The following PPIL6 variants were observed in gnomAD, a reference collection of about 807,000 sequenced individuals.
PPIL6 encodes the protein peptidylprolyl isomerase like 6.
A neutral mutation model predicts 36.8 loss-of-function variants in PPIL6; 39 were observed. The observed-to-expected ratio is 1.06, with a 90% CI of 0.82 to 1.38. The LOEUF (loss-of-function observed/expected upper bound fraction) is 1.38. Ranked by LOEUF, PPIL6 falls within the 40% of genes most tolerant of loss-of-function variation. The pLI is 0.00. For synonymous variants in PPIL6, 123 were observed against 134.1 expected (o/e 0.92, Z 0.57); for missense variants, 368 against 379.1 (o/e 0.97, Z 0.24).
chr6:109,425,888 T>A (rs1052862947), intron 5 of PPIL6, among the ~76,000 whole-genome samples: 1 of 151,830 alleles, frequency 6.6e-6, no homozygotes, highest in African/African-American at 2.4e-5. Context: ...TAGAAAACCA[T>A]CTAAATGTTC....
At chr6:109,422,511 G>A (rs542065529) in intron 5 of PPIL6, among the ~76,000 whole-genome samples, 2 of 152,256 alleles carry the variant, frequency 1.3e-5, no homozygotes, top group Admixed American at 1.3e-4. Flanking sequence ...GATCACTTGA[G>A]TCCAGGAGGT....
At chr6:109,419,046 C>G (rs912047269) in intron 6 of PPIL6, 141 bp downstream of exon 6, 2 of 609,390 alleles carry the variant, frequency 3.3e-6, no homozygotes, top group Middle Eastern at 4.0e-4. Context: ...GCGCTTCCCC[C>G]CGATCTGCTC....
At chr6:109,434,689 A>G (rs1392324148) in intron 2 of PPIL6, among the ~76,000 whole-genome samples, 3 of 152,130 alleles carry the variant, frequency 2.0e-5, no homozygotes, top group Admixed American at 1.3e-4. Context: ...GCACAGAACA[A>G]TCGAAACTGC....
intron 7 of PPIL6, 89 bp downstream of exon 7, chr6:109,399,946 A>C: frequency 1.9e-6 from 2 of 1,045,086 alleles, no homozygotes; most frequent in Non-Finnish European, 2.7e-6. Flanking sequence ...TTAGCTACCT[A>C]TACACTATAT....
intron 6 of PPIL6, among the ~76,000 whole-genome samples, chr6:109,400,898 C>T (rs1348956003): frequency 3.3e-5 from 5 of 151,908 alleles, no homozygotes; most frequent in Admixed American, 6.6e-5. Flanking sequence ...CTCGCTCTGT[C>T]GCCCAGGCTG....
At chr6:109,422,823 A>C (rs1427835364) in intron 5 of PPIL6, among the ~76,000 whole-genome samples, 1 of 152,254 alleles carries the variant, frequency 6.6e-6, no homozygotes, top group African/African-American at 2.4e-5. Context: ...GAAGCATATT[A>C]ATTATTTGGT....
chr6:109,436,623 A>G (rs1774461651), intron 1 of PPIL6, among the ~76,000 whole-genome samples: 1 of 152,210 alleles, frequency 6.6e-6, no homozygotes, highest in African/African-American at 2.4e-5. Context: ...TGGGAGGCTG[A>G]GGCAAGAGAA....
At chr6:109,393,720 C>T (rs1772185630) in intron 7 of PPIL6, among the ~76,000 whole-genome samples, 1 of 152,060 alleles carries the variant, frequency 6.6e-6, no homozygotes, top group East Asian at 1.9e-4. Flanking sequence ...GCCAGACTGG[C>T]TTTCAGTACC....
At chr6:109,396,941 G>A (rs1772327855) in intron 7 of PPIL6, among the ~76,000 whole-genome samples, 2 of 151,612 alleles carry the variant, frequency 1.3e-5, no homozygotes, top group East Asian at 3.9e-4. Context: ...AACCATGTCT[G>A]GGCTTCCAAA....
At chr6:109,433,151 T>C (rs1774252677) in intron 2 of PPIL6, among the ~76,000 whole-genome samples, 1 of 151,776 alleles carries the variant, frequency 6.6e-6, no homozygotes, top group Non-Finnish European at 1.5e-5. Flanking sequence ...CTGCCTCCTA[T>C]GTTCAAGTGA....
At chr6:109,422,673 T>A (rs529202741) in intron 5 of PPIL6, among the ~76,000 whole-genome samples, 3 of 152,136 alleles carry the variant, frequency 2.0e-5, no homozygotes, top group Admixed American at 2.0e-4. Context: ...ATGGACCTTA[T>A]GAACATAAAA....
intron 6 of PPIL6, among the ~76,000 whole-genome samples, chr6:109,415,986 T>C (rs1430236656): frequency 6.6e-6 from 1 of 152,164 alleles, no homozygotes; most frequent in African/African-American, 2.4e-5. Context: ...GGAGAATGTA[T>C]TGATGTAACC....
rs185390692 is a variant in PPIL6, at chr6:109,439,539, T to C, written c.135+917A>G. Reference sequence around the variant, plus strand: ...CCCGGCTAATTTTTTGTATTTTTAGTAGAAACGGGGTTTCACCATGTTGGC... The same window carrying C: ...CCCGGCTAATTTTTTGTATTTTTAGCAGAAACGGGGTTTCACCATGTTGGC... On this transcript the variant is annotated intron_variant, in intron 1 of 7. Coordinates refer to ENST00000521072, the MANE Select transcript of PPIL6 (RefSeq NM_173672.5). Among the ~76,000 whole-genome samples, 206 of 152,300 alleles carry C rather than the reference T, an allele frequency of 1.4e-3. 3 individuals are homozygous for C. The highest frequency in any genetic ancestry group is 9.8e-3 in the East Asian group (51 of 5,184).
intron 7 of PPIL6, among the ~76,000 whole-genome samples, chr6:109,394,379 A>C (rs919769444): frequency 1.3e-5 from 2 of 151,730 alleles, no homozygotes; most frequent in Admixed American, 1.3e-4. Flanking sequence ...TCAAAAAAAA[A>C]AAAAAAAAAA....
At chr6:109,440,799 G>T (rs1308792048), upstream of PPIL6, 16 of 364,926 alleles carry the variant, frequency 4.4e-5, no homozygotes, top group Non-Finnish European at 6.6e-5. Context: ...TGGAGGAAAA[G>T]GAACCGGGAG....
Position 109,392,716 on chromosome 6 carries a change from G to A in PPIL6, c.*110C>T. On this transcript the variant is annotated 3_prime_UTR_variant, in exon 8 of 8. Transcript: ENST00000521072. ...GGGTGTAGATGAGGCAACCTACAGTGTCTGCCACGGCTTTCAAATTACAAT... is the reference window on the plus strand; with the variant it reads ...GGGTGTAGATGAGGCAACCTACAGTATCTGCCACGGCTTTCAAATTACAAT... 1 of 672,878 alleles carries A rather than the reference G, an allele frequency of 1.5e-6. No homozygotes were observed. The highest frequency in any genetic ancestry group is 2.5e-6 in the Non-Finnish European group (1 of 396,066). 41.7% of individuals were successfully genotyped at this position (672,878 alleles called of 1,614,324 possible).
At chr6:109,418,762 G>A (rs1051935851) in intron 6 of PPIL6, among the ~76,000 whole-genome samples, 5 of 151,972 alleles carry the variant, frequency 3.3e-5, no homozygotes, top group African/African-American at 1.2e-4. Context: ...GGCTGATCTC[G>A]AACTCCTGAC....
upstream of PPIL6, chr6:109,440,833 G>T: frequency 2.5e-6 from 1 of 397,200 alleles, no homozygotes; most frequent in Non-Finnish European, 4.4e-6. Flanking sequence ...GGCGCTCTCC[G>T]GACCCCCAGG....
In PPIL6 at chr6:109,391,591, C is replaced by T. The variant is rs2115187086; in HGVS notation, c.*1235G>A. 1 of 152,364 alleles carries T rather than the reference C, an allele frequency of 6.6e-6. No homozygotes were observed. Among genetic ancestry groups the T allele is most frequent in the African/African-American group, 2.4e-5 (1 of 41,566 alleles). The allele number at this position is 152,364 out of a possible 1,614,324, so 9.4% of individuals were successfully genotyped here. A position where few individuals can be genotyped will look rare whatever the true frequency, so the allele number is the denominator to read the frequency against. On this transcript the variant is annotated 3_prime_UTR_variant, in exon 8 of 8. Transcript: ENST00000521072. ...CCAAATGAACACAGAATCTCTGCCCCACGCCTGGGAACTCTGCCTCAGTAG... is the reference window on the plus strand; with the variant it reads ...CCAAATGAACACAGAATCTCTGCCCTACGCCTGGGAACTCTGCCTCAGTAG...
Sources: gnomAD v4.1 joint callset for allele counts (sites outside exome capture counted in the v4.1 genomes callset) on GRCh38, gnomAD v4.1.1 for gene constraint, MANE v1.5 for transcripts, NCBI Gene and HGNC (gene_info 2026-07-23, HGNC 2026-07-21) for gene names.